SFMBT1: variants seen among roughly 807,000 people sequenced by gnomAD.
SFMBT1 encodes Scm like with four mbt domains 1.
In SFMBT1, 32 loss-of-function variants were observed where a neutral mutation model predicts 108.7. The ratio of observed to expected loss-of-function variants is 0.29; its 90% CI spans 0.22 to 0.40. The LOEUF (loss-of-function observed/expected upper bound fraction) is 0.40. SFMBT1 is among the 10% of genes least tolerant of loss of function. SFMBT1 has a pLI of 1.00. For missense variants in SFMBT1, 816 were observed against 1,059.6 expected, an observed-to-expected ratio of 0.77 and a Z score of 3.19; for synonymous variants, 348 against 369.5, an observed-to-expected ratio of 0.94 and a Z score of 0.67.
At chr3:52,954,556 TTTTG>T in intron 2 of SFMBT1, 145 bp from the exon 3 acceptor site, 1 of 651,096 alleles carries the variant, frequency 1.5e-6, no homozygotes, top group Non-Finnish European at 2.6e-6. Context: ...TTTTGTTTTG[TTTTG>T]TTTTTGTTTT....
intron 1 of SFMBT1, among the ~76,000 whole-genome samples, chr3:53,030,308 A>C (rs1272190615): frequency 6.6e-6 from 1 of 152,166 alleles, no homozygotes; most frequent in East Asian, 1.9e-4. Context: ...ACACACATAG[A>C]ATGTTTCTAT....
Position 52,907,637 on chromosome 3 carries a change from C to T in SFMBT1, c.2003G>A (p.Arg668Lys), listed in dbSNP as rs745883343. ...AACAAAAACATTTTTCCGCCTCTTT[C>T]TCCTCTTACTGGCTTTTTTCAGGGC... ...ACALKKASKR[R>K]KRRKNVFVHK... The change falls in exon 18 of 21, where the codon AGA becomes AAA. Residue 668 changes from arginine (R) to lysine (K), a missense_variant. Physicochemically the swap from Arg to Lys is conservative, Grantham distance 26 (BLOSUM62 2). Coordinates refer to ENST00000394752, the MANE Select transcript of SFMBT1 (RefSeq NM_016329.4). 34 of 1,614,068 alleles carry T rather than the reference C, an allele frequency of 2.1e-5. No individual in the cohort carries two copies. Among genetic ancestry groups the T allele is most frequent in the Non-Finnish European group, 2.8e-5 (33 of 1,180,052 alleles).
At chr3:53,018,040 G>A (rs1699184448) in intron 1 of SFMBT1, 1 of 152,194 alleles carries the variant, frequency 6.6e-6, no homozygotes, top group Non-Finnish European at 1.5e-5. Context: ...AGACTATCCT[G>A]GCTAACACGG....
chr3:52,966,069 G>C (rs1704131207), intron 2 of SFMBT1, among the ~76,000 whole-genome samples: 3 of 144,088 alleles, frequency 2.1e-5, no homozygotes, highest in Admixed American at 1.4e-4. Flanking sequence ...TGTAATTCCA[G>C]CACTTTGGGA....
chr3:52,907,390 TAAAG>T (rs1303493076), intron 18 of SFMBT1, 76 bp from the exon 19 acceptor site: 156 of 1,532,316 alleles, frequency 1.0e-4, no homozygotes, highest in Non-Finnish European at 1.3e-4. Context: ...AAAAAAATAA[TAAAG>T]AAAGAAAAGA....
At chr3:52,944,570 A>C (rs1233316188) in intron 3 of SFMBT1, among the ~76,000 whole-genome samples, 2 of 151,972 alleles carry the variant, frequency 1.3e-5, no homozygotes, top group Non-Finnish European at 2.9e-5. Context: ...CCCAGGCTGG[A>C]GTGCAATGGC....
At chr3:53,017,498 TA>T (rs1699165581) in intron 1 of SFMBT1, among the ~76,000 whole-genome samples, 1 of 152,222 alleles carries the variant, frequency 6.6e-6, no homozygotes, top group South Asian at 2.1e-4. Context: ...GTTTATAGGC[TA>T]ATCAGATCAG....
At position 52,921,777 on chromosome 3, in the gene SFMBT1, T is replaced by C. The variant is rs759057208; in HGVS notation, c.1186A>G (p.Ile396Val). Residue 396 changes from isoleucine (I) to valine (V), a missense_variant, in exon 11 of 21, where the codon ATT (isoleucine) becomes GTT (valine). Ile to Val is a conservative substitution (Grantham distance 29, BLOSUM62 3). This residue lies in a region of SFMBT1 where 495 missense variants were observed against 607.4 expected (regional missense o/e 0.81). Transcript: ENST00000394752. ...ENMKLEAVNP[I>V]LPEEVCVATI... ...GCAACACACACTTCTTCAGGGAGAA[T>C]GGGGTTCACCGCCTCGAGCTTCATG... 2 of 1,613,972 alleles carry C rather than the reference T, an allele frequency of 1.2e-6. No individual in the cohort carries two copies. Among genetic ancestry groups the C allele is most frequent in the African/African-American group, 1.3e-5 (1 of 74,948 alleles).
At chr3:52,916,074 G>T in intron 14 of SFMBT1, 76 bp downstream of exon 14, 1 of 1,267,572 alleles carries the variant, frequency 7.9e-7, no homozygotes, top group Non-Finnish European at 1.1e-6. Flanking sequence ...CAAATGTACT[G>T]TTTTAAGTTA....
intron 1 of SFMBT1, among the ~76,000 whole-genome samples, chr3:52,991,715 T>C (rs1705139563): frequency 1.3e-5 from 2 of 152,104 alleles, no homozygotes; most frequent in Admixed American, 1.3e-4. Flanking sequence ...ATTGGATCAA[T>C]GCCATTATAA....
At chr3:53,025,481 G>A (rs1699455630) in intron 1 of SFMBT1, among the ~76,000 whole-genome samples, 3 of 152,100 alleles carry the variant, frequency 2.0e-5, no homozygotes, top group African/African-American at 7.2e-5. Flanking sequence ...GCCAGGCATG[G>A]TGGCACACGC....
rs186459505 is a variant in SFMBT1 at position 52,907,083 on chromosome 3, G to T, written c.2317C>A (p.Pro773Thr). The stretch of plus-strand genomic sequence containing the variant: ...TTAAATGGTACCTTTGGTGAAGGAG[G>T]TTTATTTTCATCGTCAGAAAATGAA... ...TFSFSDDENK[P>T]PSPKEIRIEV... The change falls in exon 19 of 21, where the codon CCT (proline) becomes ACT (threonine). Residue 773 changes from proline to threonine, a missense_variant. Around this residue, in one of 5 missense-constraint regions of SFMBT1, gnomAD observed 177 missense variants for 182.0 expected, o/e 0.97. Coordinates refer to ENST00000394752, the MANE Select transcript of SFMBT1 (RefSeq NM_016329.4). 1.2e-6 allele frequency: 2 copies of T among 1,612,106 alleles called. No homozygotes were observed. The highest frequency in any genetic ancestry group is 1.7e-6 in the Non-Finnish European group (2 of 1,179,440).
intron 1 of SFMBT1, among the ~76,000 whole-genome samples, chr3:53,014,178 G>C (rs1455150278): frequency 6.6e-6 from 1 of 152,148 alleles, no homozygotes; most frequent in Non-Finnish European, 1.5e-5. Context: ...CGAGCTGCCT[G>C]CCATTCAAAA....
intron 1 of SFMBT1, among the ~76,000 whole-genome samples, chr3:53,011,854 C>T (rs1251705062): frequency 1.3e-5 from 2 of 152,190 alleles, no homozygotes; most frequent in Non-Finnish European, 2.9e-5. Flanking sequence ...GAATCAGCTA[C>T]AAACCAGGCT....
chr3:52,995,706 A>G (rs1202867412), intron 1 of SFMBT1, among the ~76,000 whole-genome samples: 1 of 150,054 alleles, frequency 6.7e-6, no homozygotes, highest in Non-Finnish European at 1.5e-5. Context: ...AGCCTGGCAA[A>G]TAACTTTAAA....
chr3:52,970,862 C>T (rs1704317669), intron 1 of SFMBT1, among the ~76,000 whole-genome samples: 1 of 152,138 alleles, frequency 6.6e-6, no homozygotes. Flanking sequence ...TGGCCAGGTG[C>T]GTGGCTCATG....
At chr3:53,016,157 G>GA (rs1207641545) in intron 1 of SFMBT1, among the ~76,000 whole-genome samples, 1 of 149,598 alleles carries the variant, frequency 6.7e-6, no homozygotes, top group African/African-American at 2.5e-5. Context: ...AGGACAAAGT[G>GA]AAAAAAAAAA....
At position 52,903,622 on chromosome 3, in the gene SFMBT1, T is replaced by G. The variant is rs1278956037; in HGVS notation, c.*1514A>C. Reference sequence around the variant, plus strand: ...GTAGAGCTGTTTAGAATTCACCCAGTTTGCAGGATTAAAACATTTTCAAAT... The same window carrying G: ...GTAGAGCTGTTTAGAATTCACCCAGGTTGCAGGATTAAAACATTTTCAAAT... On this transcript the variant is annotated 3_prime_UTR_variant, in exon 21 of 21. Coordinates refer to ENST00000394752, the MANE Select transcript of SFMBT1 (RefSeq NM_016329.4). The G allele has an allele frequency of 6.6e-6, 1 of 152,190 alleles. No individual in the cohort carries two copies. Among genetic ancestry groups the G allele is most frequent in the Non-Finnish European group, 1.5e-5 (1 of 68,024 alleles). The allele number at this position is 152,190 out of a possible 1,614,324, so 9.4% of individuals were successfully genotyped here.
chr3:53,044,452 T>C (rs1298322749), intron 1 of SFMBT1, among the ~76,000 whole-genome samples: 3 of 114,692 alleles, frequency 2.6e-5, no homozygotes. Flanking sequence ...CCGTAACTTT[T>C]CTGACATCGC....
Sources: allele counts gnomAD v4.1 joint callset (sites outside exome capture counted in the v4.1 genomes callset), GRCh38; gene constraint gnomAD v4.1.1; regional missense constraint gnomAD v4.1.1; transcripts MANE v1.5; gene names NCBI Gene and HGNC (gene_info 2026-07-23, HGNC 2026-07-21).